MGST1: variants seen among roughly 807,000 people sequenced by gnomAD.
MGST1 encodes glutathione S-transferase 12.
Under a neutral mutation model 8.9 loss-of-function variants are expected in MGST1, and 5 were observed. The observed-to-expected ratio is 0.56, with a 90% CI of 0.29 to 1.19. MGST1 has a LOEUF of 1.19. Ranked by LOEUF, MGST1 falls within the 50% of genes most tolerant of loss-of-function variation. MGST1 has a pLI of 0.08. For synonymous variants in MGST1, 54 were observed against 67.8 expected (o/e 0.80, Z 1.00); for missense variants, 182 against 187.4 (o/e 0.97, Z 0.17).
chr12:16,531,406 AG>A (rs1008627766), intron 4 of MGST1, among the ~76,000 whole-genome samples: 1 of 151,992 alleles, frequency 6.6e-6, no homozygotes, highest in African/African-American at 2.4e-5. Flanking sequence ...AACTAAAACA[AG>A]GGCCCTTTCC....
At chr12:16,393,609 A>C (rs889224106) in intron 1 of MGST1, among the ~76,000 whole-genome samples, 12 of 152,216 alleles carry the variant, frequency 7.9e-5, no homozygotes, top group Non-Finnish European at 1.5e-4. Flanking sequence ...AACGGTTATA[A>C]ACCTTTGATG....
intron 1 of MGST1, among the ~76,000 whole-genome samples, chr12:16,429,753 A>G (rs969100984): frequency 3.9e-5 from 6 of 152,316 alleles, no homozygotes; most frequent in African/African-American, 1.4e-4. Flanking sequence ...TTGCAACTTT[A>G]GCAAGTCATA....
chr12:16,416,313 T>C (rs1940787974), intron 1 of MGST1, among the ~76,000 whole-genome samples: 1 of 152,182 alleles, frequency 6.6e-6, no homozygotes, highest in Non-Finnish European at 1.5e-5. Flanking sequence ...AAGTTGGAAA[T>C]GAGTAAGGGT....
At chr12:16,406,503 A>T (rs1286119060) in intron 1 of MGST1, among the ~76,000 whole-genome samples, 1 of 152,246 alleles carries the variant, frequency 6.6e-6, no homozygotes. Context: ...CAATTTATAG[A>T]TTCAATGCTA....
intron 4 of MGST1, among the ~76,000 whole-genome samples, chr12:16,498,955 A>C (rs1425467658): frequency 2.0e-5 from 3 of 152,220 alleles, no homozygotes; most frequent in Admixed American, 2.0e-4. Flanking sequence ...ACTAAGATAC[A>C]AAGGGCCTTT....
intron 1 of MGST1, among the ~76,000 whole-genome samples, chr12:16,388,527 G>A (rs917222593): frequency 2.0e-5 from 3 of 152,168 alleles, no homozygotes; most frequent in African/African-American, 7.2e-5. Flanking sequence ...GACAGTTTCA[G>A]GCATCAACTG....
chr12:16,518,967 A>T (rs1287938247), intron 4 of MGST1, among the ~76,000 whole-genome samples: 1 of 152,212 alleles, frequency 6.6e-6, no homozygotes, highest in African/African-American at 2.4e-5. Flanking sequence ...TAAGTTGTGT[A>T]TGATTTATAC....
chr12:16,374,373 G>A (rs774705036), intron 3 of MGST1, among the ~76,000 whole-genome samples: 1 of 151,676 alleles, frequency 6.6e-6, no homozygotes, highest in Non-Finnish European at 1.5e-5. Context: ...TAAATTTATT[G>A]CTGTTTTATG....
In MGST1 at chr12:16,396,020, A is replaced by T. The variant is rs113549506; in HGVS notation, n.778+12416A>T. 7.2e-3 allele frequency among the ~76,000 whole-genome samples: 1,094 copies of T among 152,108 alleles called. 15 individuals carry two copies. The highest frequency in any genetic ancestry group is 0.025 in the African/African-American group (1,052 of 41,488). On this transcript the variant is annotated intron_variant and non_coding_transcript_variant, in intron 1 of 1. Coordinates refer to the MGST1 transcript ENST00000359720. ...TAGTTCTACTTTTAGTTCTTTAAGG[A>T]ATCTCCACACTGTTTTCCATAGTGT...
At chr12:16,570,282 A>G (rs1377002935) in intron 4 of MGST1, among the ~76,000 whole-genome samples, 2 of 152,138 alleles carry the variant, frequency 1.3e-5, no homozygotes, top group African/African-American at 2.4e-5. Flanking sequence ...ATATCTTTAC[A>G]GACTTCTTAG....
chr12:16,433,220 GC>G lies in MGST1; in HGVS notation n.779-4166del, dbSNP rs560249385. Among the ~76,000 whole-genome samples, 535 of 152,164 alleles carry G rather than the reference GC, an allele frequency of 3.5e-3. 2 individuals carry two copies. Among genetic ancestry groups the G allele is most frequent in the African/African-American group, 0.012 (500 of 41,542 alleles). ...CAGTCTAATCTTTCTACGTTCTTCT[GC>G]CTGCTTTCTATTCTGGTTGTGCTGG... On this transcript the variant is annotated intron_variant and non_coding_transcript_variant, in intron 1 of 1. Coordinates refer to the MGST1 transcript ENST00000359720.
chr12:16,442,355 T>A (rs1400009725), downstream of MGST1, among the ~76,000 whole-genome samples: 1 of 151,854 alleles, frequency 6.6e-6, no homozygotes, highest in African/African-American at 2.4e-5. This position sits in a 1 kb window ranked among gnomAD's most constrained non-coding sequence, Gnocchi z 4.5. Context: ...TCATGAATCG[T>A]GCCTTTGGTG....
At chr12:16,593,111 C>T (rs1378256061), downstream of MGST1, among the ~76,000 whole-genome samples, 2 of 151,652 alleles carry the variant, frequency 1.3e-5, no homozygotes, top group African/African-American at 4.8e-5. This position sits in a 1 kb window ranked among gnomAD's most constrained non-coding sequence, Gnocchi z 4.2. Context: ...CTTACTAGTC[C>T]TTGTCATATC....
In MGST1 at chr12:16,537,408, G is replaced by A. The variant is rs1042124774; in HGVS notation, n.483-52120G>A. 1.3e-5 allele frequency among the ~76,000 whole-genome samples: 2 copies of A among 152,094 alleles called. No homozygotes were observed. Among genetic ancestry groups the A allele is most frequent in the African/African-American group, 4.8e-5 (2 of 41,418 alleles). ...TTCCAGTAGCATGGTGCAAGCTGTGGGATCTACCATTCTGGGATCTGGAGC... is the reference window on the plus strand; with the variant it reads ...TTCCAGTAGCATGGTGCAAGCTGTGAGATCTACCATTCTGGGATCTGGAGC... On this transcript the variant is annotated intron_variant and non_coding_transcript_variant, in intron 4 of 4. Transcript: ENST00000538857. The surrounding 1 kb of genome is among the most constrained non-coding windows in gnomAD (Gnocchi z 4.6).
At chr12:16,504,161 C>G (rs760799759) in intron 4 of MGST1, among the ~76,000 whole-genome samples, 2 of 152,102 alleles carry the variant, frequency 1.3e-5, no homozygotes, top group Non-Finnish European at 2.9e-5. Flanking sequence ...CTGTAACTTT[C>G]TCACTTTTTT....
intron 4 of MGST1, among the ~76,000 whole-genome samples, chr12:16,506,082 G>A (rs1026005269): frequency 3.9e-5 from 6 of 152,226 alleles, no homozygotes; most frequent in Admixed American, 2.0e-4. Flanking sequence ...TGTCAAGAAC[G>A]CTAAAGTATC....
chr12:16,376,322 A>G, exon 4 of MGST1: 1 of 478,960 alleles, frequency 2.1e-6, no homozygotes, highest in Non-Finnish European at 3.7e-6. Flanking sequence ...ACAAAAAGAC[A>G]ATCGGAAATT....
intron 4 of MGST1, among the ~76,000 whole-genome samples, chr12:16,571,273 G>A (rs374069557): frequency 6.6e-6 from 1 of 151,978 alleles, no homozygotes; most frequent in Non-Finnish European, 1.5e-5. Context: ...CGTTACAAAG[G>A]CATCAGTATT....
chr12:16,450,839 C>CGT (rs66984063), intron 4 of MGST1, among the ~76,000 whole-genome samples: 3,028 of 147,952 alleles, frequency 0.02, 83 homozygotes, highest in East Asian at 0.14. Flanking sequence ...ATATATATTC[C>CGT]GTGTGTGTGT....
Sources: allele counts gnomAD v4.1 joint callset (sites outside exome capture counted in the v4.1 genomes callset), GRCh38; gene constraint gnomAD v4.1.1; non-coding constraint Gnocchi (gnomAD v3.1); transcripts MANE v1.5; gene names NCBI Gene and HGNC (gene_info 2026-07-23, HGNC 2026-07-21).